The following WNT11 variants were observed in gnomAD, a reference collection of about 807,000 sequenced individuals.
WNT11 encodes the protein protein Wnt-11.
A neutral mutation model predicts 35.6 loss-of-function variants in WNT11; 20 were observed. The ratio of observed to expected loss-of-function variants is 0.56; its 90% confidence interval spans 0.40 to 0.82. The LOEUF is 0.82. Ranked by LOEUF, WNT11 falls within the 40% of genes least tolerant of loss-of-function variation. The probability of loss-of-function intolerance (pLI) is 0.00; values close to 1 mark genes in which losing one functional copy is unlikely to be tolerated. For missense variants in WNT11, 459 were observed against 504.4 expected, an observed-to-expected ratio of 0.91 and a Z score of 0.86; for synonymous variants, 200 against 211.9, an observed-to-expected ratio of 0.94 and a Z score of 0.49.
At chr11:76,201,976 T>A (rs533697086) in intron 1 of WNT11, among the ~76,000 whole-genome samples, 1 of 152,190 alleles carries the variant, frequency 6.6e-6, no homozygotes, top group Admixed American at 6.5e-5. Flanking sequence ...GGCACAGGGG[T>A]CAGGTCACAT....
Position 76,194,475 on chromosome 11 carries a change from C to T in WNT11, c.597+92G>A, listed in dbSNP as rs1414862065. 17 of 1,449,476 alleles carry T rather than the reference C, an allele frequency of 1.2e-5. No homozygotes were observed. In the Admixed American group the frequency reaches 1.2e-4, roughly 10 times the overall value. The allele number at this position is 1,449,476 out of a possible 1,614,324, so 89.8% of individuals were successfully genotyped here. A position where few individuals can be genotyped will look rare whatever the true frequency, so the allele number is the denominator to read the frequency against. ...GTGGGCCAGTCAGGGCCCGTCCCCC[C>T]GCACCCCCCACCACTGGGGCAAGCT... On this transcript the variant is annotated intron_variant, in intron 3 of 4. Transcript: ENST00000322563. This position sits in a 1 kb window ranked among gnomAD's most constrained non-coding sequence, Gnocchi z 5.4.
Position 76,186,678 on chromosome 11 carries a change from C to T in WNT11, c.*387G>A, listed in dbSNP as rs1470977609. On this transcript the variant is annotated 3_prime_UTR_variant, in exon 5 of 5. Coordinates refer to ENST00000322563, the MANE Select transcript of WNT11 (RefSeq NM_004626.3). Reference sequence around the variant, plus strand: ...CAGCAGGCTCAGACCCCAGGGTGGGCCAGGGGGTCCCGCAGAACATTCTGA... The same window carrying T: ...CAGCAGGCTCAGACCCCAGGGTGGGTCAGGGGGTCCCGCAGAACATTCTGA... 1.4e-5 allele frequency: 5 copies of T among 358,672 alleles called. No individual in the cohort carries two copies. The highest frequency in any genetic ancestry group is 2.2e-5 in the South Asian group (1 of 46,302). 22.2% of individuals were successfully genotyped at this position (358,672 alleles called of 1,614,324 possible). A position where few individuals can be genotyped will look rare whatever the true frequency, so the allele number is the denominator to read the frequency against.
chr11:76,193,428 T>C (rs1953217228), intron 3 of WNT11, among the ~76,000 whole-genome samples: 1 of 152,122 alleles, frequency 6.6e-6, no homozygotes, highest in African/African-American at 2.4e-5. Flanking sequence ...GTGGTGGGCG[T>C]GGCCATGGTG....
rs750534442 is a variant in WNT11, at chr11:76,196,603, G to T, written c.199C>A (p.His67Asn). 6.2e-7 allele frequency: 1 copy of T among 1,613,668 alleles called. No homozygotes were observed. Among genetic ancestry groups the T allele is most frequent in the South Asian group, 1.1e-5 (1 of 91,084 alleles). Residue 67 changes from histidine to asparagine, a missense_variant, in exon 2 of 5, where the codon CAC (histidine) becomes AAC (asparagine). Physicochemically the swap from His to Asn is moderately conservative, Grantham distance 68 (BLOSUM62 1). Transcript: ENST00000322563. ...TCGCGGGCGGCGTGCACCACCGTGT[G>T]CATGAGCTCCAGGTTGCTGCGGCAC... ...QLCRSNLELM[H>N]TVVHAAREVM... is the part of the protein sequence containing the mutation.
intron 4 of WNT11, among the ~76,000 whole-genome samples, chr11:76,188,568 G>A (rs546875094): frequency 1.1e-3 from 165 of 152,362 alleles, no homozygotes; most frequent in African/African-American, 3.3e-3. Flanking sequence ...GCAGGGGGCT[G>A]GGGCACTGAC....
At chr11:76,197,325 T>G (rs1015011878) in intron 1 of WNT11, among the ~76,000 whole-genome samples, 6 of 152,380 alleles carry the variant, frequency 3.9e-5, no homozygotes, top group Non-Finnish European at 7.3e-5. Context: ...AGTTTTGTGA[T>G]GACCTGGAAC....
At position 76,206,427 on chromosome 11, in the gene WNT11, C is replaced by T; in HGVS notation, c.-20G>A. 3 of 1,488,684 alleles carry T rather than the reference C, an allele frequency of 2.0e-6. No homozygotes were observed. The highest frequency in any genetic ancestry group is 2.7e-5 in the East Asian group (1 of 36,674). The allele number at this position is 1,488,684 out of a possible 1,614,324, so 92.2% of individuals were successfully genotyped here. Reference sequence around the variant, plus strand: ...CCTCATCGTCGCGCGGCGGGCGCGCCCGGGGTCACACCCAGGAGGAGCCGC... The same window carrying T: ...CCTCATCGTCGCGCGGCGGGCGCGCTCGGGGTCACACCCAGGAGGAGCCGC... On this transcript the variant is annotated 5_prime_UTR_variant, in exon 1 of 5. Coordinates refer to ENST00000322563, the MANE Select transcript of WNT11 (RefSeq NM_004626.3).
At position 76,196,471 on chromosome 11, in the gene WNT11, G is replaced by A. The variant is rs745637767; in HGVS notation, c.319+12C>T. Reference sequence around the variant, plus strand: ...GCACCCACATGCATTCAGCAGCCTCGCCAGCTCCTACCTCTCTCCAGGTCA... The same window carrying A: ...GCACCCACATGCATTCAGCAGCCTCACCAGCTCCTACCTCTCTCCAGGTCA... On this transcript the variant is annotated intron_variant, in intron 2 of 4. Transcript: ENST00000322563. The A allele has an allele frequency of 5.0e-6, 8 of 1,612,092 alleles. No homozygotes were observed. The East Asian group carries it at 6.7e-5, about 13-fold the overall frequency.
At position 76,206,403 on chromosome 11, in the gene WNT11, C is replaced by T; in HGVS notation, c.5G>A (p.Arg2Lys). 1 of 1,516,748 alleles carries T rather than the reference C, an allele frequency of 6.6e-7. No individual in the cohort carries two copies. The allele number at this position is 1,516,748 out of a possible 1,614,324, so 94.0% of individuals were successfully genotyped here. Residue 2 changes from arginine to lysine, a missense_variant, in exon 1 of 5, where the codon AGG becomes AAG. Coordinates refer to ENST00000322563, the MANE Select transcript of WNT11 (RefSeq NM_004626.3). Reference sequence around the variant, plus strand: ...CGCCTCGCAGACCTGCGGCCGCGCCCTCATCGTCGCGCGGCGGGCGCGCCC... The same window carrying T: ...CGCCTCGCAGACCTGCGGCCGCGCCTTCATCGTCGCGCGGCGGGCGCGCCC... Reference protein sequence around the residue: MRARPQVCEALL... With the variant: MKARPQVCEALL...
intron 1 of WNT11, among the ~76,000 whole-genome samples, chr11:76,202,597 C>T (rs768423719): frequency 2.6e-5 from 4 of 152,312 alleles, no homozygotes; most frequent in South Asian, 2.1e-4. Flanking sequence ...GAAGCTCTCC[C>T]TCCACGACTC....
chr11:76,195,629 A>G (rs1018567860), intron 2 of WNT11, among the ~76,000 whole-genome samples: 4 of 152,172 alleles, frequency 2.6e-5, no homozygotes, highest in African/African-American at 9.7e-5. Flanking sequence ...GTTGTGGCCC[A>G]TTGGACAGCA....
intron 3 of WNT11, among the ~76,000 whole-genome samples, chr11:76,192,520 G>A (rs879776135): frequency 2.0e-5 from 3 of 152,234 alleles, no homozygotes; most frequent in East Asian, 1.9e-4. Flanking sequence ...GTCTTCTTTC[G>A]TGCAAGGCGA....
At chr11:76,209,335 T>G (rs529559786), upstream of WNT11, among the ~76,000 whole-genome samples, 65 of 152,250 alleles carry the variant, frequency 4.3e-4, no homozygotes, top group African/African-American at 1.5e-3. Context: ...CGCCAACAGA[T>G]GGTCATAGGC....
chr11:76,187,285 C>T (rs11823833), intron 4 of WNT11, 46 bp from the exon 5 acceptor site: 180,576 of 1,564,582 alleles, frequency 0.12, 11,408 homozygotes, highest in Middle Eastern at 0.16. Context: ...TTGGTCACCA[C>T]CCCACCAACA....
intron 1 of WNT11, among the ~76,000 whole-genome samples, chr11:76,199,208 G>T (rs1435433465): frequency 6.6e-6 from 1 of 152,130 alleles, no homozygotes; most frequent in Non-Finnish European, 1.5e-5. Context: ...TGATGAGGCT[G>T]GGGGTTGTTG....
At position 76,194,945 on chromosome 11, in the gene WNT11, G is replaced by A; in HGVS notation, c.320-101C>T. ...TCGCCCACACCCTGCTGTAACCAAGGTGACGCCAGCAGGGGTCGGCACTAG... is the reference window on the plus strand; with the variant it reads ...TCGCCCACACCCTGCTGTAACCAAGATGACGCCAGCAGGGGTCGGCACTAG... On this transcript the variant is annotated intron_variant, in intron 2 of 4. Transcript: ENST00000322563. The surrounding 1 kb of genome is among the most constrained non-coding windows in gnomAD (Gnocchi z 5.4). The A allele has an allele frequency of 1.4e-6, 2 of 1,383,830 alleles. No homozygotes were observed. Among genetic ancestry groups the A allele is most frequent in the Non-Finnish European group, 9.5e-7 (1 of 1,054,004 alleles). The allele number at this position is 1,383,830 out of a possible 1,614,324, so 85.7% of individuals were successfully genotyped here.
intron 2 of WNT11, among the ~76,000 whole-genome samples, chr11:76,195,641 C>A (rs1953271250): frequency 6.6e-6 from 1 of 152,182 alleles, no homozygotes; most frequent in South Asian, 2.1e-4. Context: ...TGGACAGCAG[C>A]CCTGGGAAAC....
At chr11:76,192,564 G>A (rs2134573446) in intron 3 of WNT11, among the ~76,000 whole-genome samples, 1 of 152,372 alleles carries the variant, frequency 6.6e-6, no homozygotes, top group Non-Finnish European at 1.5e-5. Context: ...GAGCTGTAAG[G>A]ATGAAATGAG....
intron 4 of WNT11, among the ~76,000 whole-genome samples, chr11:76,188,114 C>T (rs537942323): frequency 3.3e-5 from 5 of 152,336 alleles, no homozygotes; most frequent in South Asian, 2.1e-4. Flanking sequence ...CTGAAATACT[C>T]GAACCCCCAC....
Sources: allele counts gnomAD v4.1 joint callset (sites outside exome capture counted in the v4.1 genomes callset), GRCh38; gene constraint gnomAD v4.1.1; non-coding constraint Gnocchi (gnomAD v3.1); transcripts MANE v1.5; gene names NCBI Gene and HGNC (gene_info 2026-07-23, HGNC 2026-07-21).